Variants in LGALS9C observed in about 807,000 individuals in gnomAD.
LGALS9C encodes the protein galectin-9C.
In LGALS9C, 7 loss-of-function variants were observed where a neutral mutation model predicts 41.3. The ratio of observed to expected loss-of-function variants is 0.17; its 90% confidence interval spans 0.10 to 0.32. The LOEUF (loss-of-function observed/expected upper bound fraction) is 0.32, where lower values mean the gene tolerates loss of function less well. Ranked by LOEUF, LGALS9C falls within the 10% of genes least tolerant of loss-of-function variation. LGALS9C has a pLI of 1.00. For synonymous variants in LGALS9C, 44 were observed against 171.0 expected, an observed-to-expected ratio of 0.26 and a Z score of 5.80; for missense variants, 102 against 455.2, an observed-to-expected ratio of 0.22 and a Z score of 7.06.
In LGALS9C at chr17:18,491,195, C is replaced by T. The variant is rs1399808106; in HGVS notation, c.577-78C>T. On this transcript the variant is annotated intron_variant, in intron 6 of 10. Coordinates refer to ENST00000328114, the MANE Select transcript of LGALS9C (RefSeq NM_001040078.3). ...GGTTATGCCCCTGGAGGGTGCCTGC[C>T]GTGTGGCACCCTCTGGTGGGAGCTG... 16 of 1,268,634 alleles carry T rather than the reference C, an allele frequency of 1.3e-5. 3 individuals are homozygous for T. The highest frequency in any genetic ancestry group is 1.9e-4 in the Middle Eastern group (1 of 5,160). 78.6% of individuals were successfully genotyped at this position (1,268,634 alleles called of 1,614,324 possible).
chr17:18,487,509 C>A (rs1312413578), intron 3 of LGALS9C, 138 bp from the exon 4 acceptor site: 16,331 of 569,506 alleles, frequency 0.029, 150 homozygotes, highest in Non-Finnish European at 0.039. Flanking sequence ...TCGGGCCACA[C>A]ACACGTCCCT....
At chr17:18,479,598 G>A (rs1356347052) in intron 1 of LGALS9C, among the ~76,000 whole-genome samples, 2 of 120,268 alleles carry the variant, frequency 1.7e-5, no homozygotes, top group African/African-American at 2.6e-5. Context: ...GCTGGGAGGC[G>A]AGCCCAGGCC....
At chr17:18,481,684 T>C (rs1253953740) in intron 1 of LGALS9C, among the ~76,000 whole-genome samples, 3 of 120,270 alleles carry the variant, frequency 2.5e-5, no homozygotes, top group African/African-American at 8.1e-5. Flanking sequence ...AATGGCAGAG[T>C]TCAGACCTGA....
chr17:18,487,879 T>A, intron 4 of LGALS9C, 122 bp downstream of exon 4: 1 of 1,007,404 alleles, frequency 9.9e-7, no homozygotes, highest in South Asian at 1.6e-5. Context: ...GGGGACAACC[T>A]CTGCTTCCCT....
intron 2 of LGALS9C, among the ~76,000 whole-genome samples, chr17:18,484,609 C>T (rs1989523479): frequency 1.3e-5 from 2 of 148,686 alleles, no homozygotes; most frequent in African/African-American, 4.8e-5. Flanking sequence ...GTGCAGCTCT[C>T]TCCTGGTTTA....
intron 1 of LGALS9C, 108 bp downstream of exon 1, chr17:18,477,001 C>T: frequency 1.7e-6 from 2 of 1,164,592 alleles, no homozygotes; most frequent in Non-Finnish European, 2.5e-6. Context: ...GGGGGCATCC[C>T]AAAGAGAACA....
In LGALS9C at chr17:18,494,440, A is replaced by G. The variant is rs1334282794; in HGVS notation, c.*73A>G. Reference sequence around the variant, plus strand: ...GGTCCTCTCATCATCCCCACTTCCCAGGCCCAGCCTTTCCAACCGTGCCTG... The same window carrying G: ...GGTCCTCTCATCATCCCCACTTCCCGGGCCCAGCCTTTCCAACCGTGCCTG... On this transcript the variant is annotated 3_prime_UTR_variant, in exon 11 of 11. Coordinates refer to ENST00000328114, the MANE Select transcript of LGALS9C (RefSeq NM_001040078.3). 6.7e-7 allele frequency: 1 copy of G among 1,491,596 alleles called. No individual in the cohort carries two copies. Among genetic ancestry groups the G allele is most frequent in the Non-Finnish European group, 9.2e-7 (1 of 1,088,172 alleles). The allele number at this position is 1,491,596 out of a possible 1,614,324, so 92.4% of individuals were successfully genotyped here. A position where few individuals can be genotyped will look rare whatever the true frequency, so the allele number is the denominator to read the frequency against.
intron 1 of LGALS9C, among the ~76,000 whole-genome samples, chr17:18,477,241 T>G (rs2151659052): frequency 1.6e-5 from 2 of 128,414 alleles, no homozygotes; most frequent in Non-Finnish European, 3.8e-5. Context: ...GGCATGGTAG[T>G]TAAGGGTGCG....
intron 4 of LGALS9C, among the ~76,000 whole-genome samples, chr17:18,488,701 T>A (rs1222055133): frequency 7.8e-6 from 1 of 127,910 alleles, no homozygotes; most frequent in African/African-American, 2.6e-5. Flanking sequence ...TCTCATTCCC[T>A]CCTTCCCTGA....
intron 10 of LGALS9C, among the ~76,000 whole-genome samples, chr17:18,493,984 G>A (rs533515452): frequency 3.1e-5 from 4 of 127,972 alleles, no homozygotes; most frequent in African/African-American, 1.0e-4. Context: ...GGATACAGAT[G>A]GCACAGGCCA....
chr17:18,484,852 C>G (rs1217113367), intron 2 of LGALS9C, among the ~76,000 whole-genome samples: 5 of 149,668 alleles, frequency 3.3e-5, no homozygotes, highest in Non-Finnish European at 3.0e-5. Context: ...GCAGTGCCCC[C>G]AGGAGATGCC....
At position 18,492,389 on chromosome 17, in the gene LGALS9C, A is replaced by G. The variant is rs1989844328; in HGVS notation, c.673-68A>G. 3.7e-5 allele frequency: 56 copies of G among 1,506,372 alleles called. 6 individuals carry two copies. Among genetic ancestry groups the G allele is most frequent in the Non-Finnish European group, 5.1e-5 (56 of 1,093,106 alleles). 93.3% of individuals were successfully genotyped at this position (1,506,372 alleles called of 1,614,324 possible). ...AGCCTAAATTCATGGGAACTGGTAC[A>G]ATCTTCCCCTTCCATGTGGCGGCTG... On this transcript the variant is annotated intron_variant, in intron 8 of 10. Transcript: ENST00000328114.
intron 1 of LGALS9C, among the ~76,000 whole-genome samples, chr17:18,478,084 C>G (rs1234605224): frequency 7.9e-6 from 1 of 127,092 alleles, no homozygotes; most frequent in Non-Finnish European, 1.9e-5. Flanking sequence ...ACCAATGACC[C>G]CTCAGCCACC....
In LGALS9C at chr17:18,485,366, T is replaced by TA. The variant is rs1989553859; in HGVS notation, c.132-567dup. ...GTCTAGCTAATTAAATATATATATA[T>TA]ATCTTTTTGTTTTTTAAGTAGAGAT... On this transcript the variant is annotated intron_variant, in intron 2 of 10. Transcript: ENST00000328114. Among the ~76,000 whole-genome samples the TA allele has an allele frequency of 1.9e-5, 2 of 106,764 alleles. 1 individual carries two copies. The highest frequency in any genetic ancestry group is 4.5e-5 in the Non-Finnish European group (2 of 44,586). The allele number at this position is 106,764 out of a possible 152,430, so 70.0% of individuals were successfully genotyped here.
intron 10 of LGALS9C, among the ~76,000 whole-genome samples, chr17:18,493,402 A>G (rs1188737147): frequency 8.4e-6 from 1 of 118,920 alleles, no homozygotes; most frequent in East Asian, 2.0e-4. Flanking sequence ...GCTAGGGCCA[A>G]CATGCAGAGG....
In LGALS9C at chr17:18,481,117, G is replaced by A. The variant is rs576319256; in HGVS notation, c.40-2758G>A. ...CACTCCAGCCTGGGCAACAGAGTGA[G>A]AACCCATCTCAAAATAAAATAAAAT... On this transcript the variant is annotated intron_variant, in intron 1 of 10. Transcript: ENST00000328114. Among the ~76,000 whole-genome samples, 525 of 127,578 alleles carry A rather than the reference G, an allele frequency of 4.1e-3. 87 individuals carry two copies. Among genetic ancestry groups the A allele is most frequent in the Admixed American group, 8.5e-3 (112 of 13,120 alleles). The allele number at this position is 127,578 out of a possible 152,430, so 83.7% of individuals were successfully genotyped here.
intron 1 of LGALS9C, among the ~76,000 whole-genome samples, chr17:18,477,302 C>T (rs1343406317): frequency 1.6e-5 from 2 of 123,276 alleles, no homozygotes; most frequent in East Asian, 4.0e-4. Flanking sequence ...CTGGTGGTCT[C>T]TGGGCCTCAG....
At chr17:18,487,464 G>A (rs540259646) in intron 3 of LGALS9C, among the ~76,000 whole-genome samples, 183 bp from the exon 4 acceptor site, 6 of 56,238 alleles carry the variant, frequency 1.1e-4, no homozygotes, top group East Asian at 3.5e-4. Context: ...TGGAAAGCCC[G>A]ACTGGAGCCC....
rs773232826 is a variant in LGALS9C at position 18,487,767 on chromosome 17, T to C, written c.444+10T>C. On this transcript the variant is annotated intron_variant, in intron 4 of 10. Coordinates refer to ENST00000328114, the MANE Select transcript of LGALS9C (RefSeq NM_001040078.3). ...CTACATCAGCTTCCAGGTCAGACTG[T>C]CCACCTGGCACCGGTCCCAGGGGCT... 6.3e-7 allele frequency: 1 copy of C among 1,575,386 alleles called. No homozygotes were observed. The highest frequency in any genetic ancestry group is 1.3e-5 in the African/African-American group (1 of 74,606).
Sources: allele counts gnomAD v4.1 joint callset (sites outside exome capture counted in the v4.1 genomes callset), GRCh38; gene constraint gnomAD v4.1.1; transcripts MANE v1.5; gene names NCBI Gene and HGNC (gene_info 2026-07-23, HGNC 2026-07-21).